AGMO: variants seen among roughly 807,000 people sequenced by gnomAD.
AGMO encodes glyceryl-ether monooxygenase.
Under a neutral mutation model 60.2 loss-of-function variants are expected in AGMO, and 75 were observed. The observed-to-expected ratio is 1.25, with a 90% CI of 1.03 to 1.51. The LOEUF (loss-of-function observed/expected upper bound fraction) is 1.51. Among genes scored for constraint, AGMO ranks in the 40% most tolerant of loss-of-function variants. The pLI is 0.00. For missense variants in AGMO, 763 were observed against 525.5 expected, an observed-to-expected ratio of 1.45 and a Z score of -4.42; for synonymous variants, 261 against 177.1, an observed-to-expected ratio of 1.47 and a Z score of -3.76.
rs577703602 is a variant in AGMO at position 15,362,401 on chromosome 7, G to C, written c.1263+3113C>G. On this transcript the variant is annotated intron_variant, in intron 12 of 12. Coordinates refer to ENST00000342526, the MANE Select transcript of AGMO (RefSeq NM_001004320.2). ...CTTGACCTCTCAACAGAGAAGACTT[G>C]CTCAAGTTTAATCATTAATGGCTTG... 3.3e-5 allele frequency among the ~76,000 whole-genome samples: 5 copies of C among 152,248 alleles called. No individual in the cohort carries two copies. The East Asian group carries it at 9.7e-4, about 29-fold the overall frequency.
chr7:15,270,283 G>C (rs1483601233), intron 12 of AGMO, among the ~76,000 whole-genome samples: 1 of 151,784 alleles, frequency 6.6e-6, no homozygotes, highest in Non-Finnish European at 1.5e-5. Flanking sequence ...GTTGTTTTTT[G>C]ACTTTGTATT....
chr7:15,180,030 C>G, the AGMO span, among the ~76,000 whole-genome samples: 7 of 152,262 alleles, frequency 4.6e-5, no homozygotes, highest in African/African-American at 7.2e-5. Context: ...CCTCCTAGAG[C>G]TCTGGGTTTG....
the AGMO span, among the ~76,000 whole-genome samples, chr7:15,154,296 T>A: frequency 2.0e-5 from 3 of 152,066 alleles, no homozygotes; most frequent in Non-Finnish European, 4.4e-5. Flanking sequence ...CAAAAAATAA[T>A]AATAAAATAC....
At chr7:15,346,251 A>C (rs2128551793) in intron 12 of AGMO, among the ~76,000 whole-genome samples, 1 of 152,262 alleles carries the variant, frequency 6.6e-6, no homozygotes, top group South Asian at 2.1e-4. Flanking sequence ...CATGGACTCT[A>C]CATTAAGATA....
intron 12 of AGMO, among the ~76,000 whole-genome samples, chr7:15,259,343 A>G (rs952268391): frequency 6.6e-6 from 1 of 152,020 alleles, no homozygotes; most frequent in Non-Finnish European, 1.5e-5. Context: ...GGATTAACCC[A>G]ATCCATCAAA....
At chr7:15,340,734 TGGTTGTCCAG>T (rs1297302195) in intron 12 of AGMO, among the ~76,000 whole-genome samples, 1 of 152,188 alleles carries the variant, frequency 6.6e-6, no homozygotes, top group Non-Finnish European at 1.5e-5. Context: ...TAAAAACACC[TGGTTGTCCAG>T]GCAGAGGTGT....
the AGMO span, among the ~76,000 whole-genome samples, chr7:15,129,650 G>T: frequency 6.6e-6 from 1 of 152,038 alleles, no homozygotes; most frequent in Non-Finnish European, 1.5e-5. Flanking sequence ...CCACCACCTG[G>T]GGCCAGGATG....
the AGMO span, among the ~76,000 whole-genome samples, chr7:15,177,961 T>C: frequency 6.6e-6 from 1 of 152,168 alleles, no homozygotes; most frequent in Admixed American, 6.6e-5. Context: ...AAATCGATTT[T>C]CATTATATAT....
chr7:15,247,459 C>CAGAGAGAGAGAGAGAGAGAG (rs35939832), intron 12 of AGMO, among the ~76,000 whole-genome samples: 1 of 115,262 alleles, frequency 8.7e-6, no homozygotes, highest in African/African-American at 3.5e-5. Context: ...CACACACACA[C>CAGAGAGAGAGAGAGAGAGAG]AGAGAGAGAG....
chr7:15,338,057 T>C (rs973917778), intron 12 of AGMO, among the ~76,000 whole-genome samples: 1 of 152,216 alleles, frequency 6.6e-6, no homozygotes, highest in African/African-American at 2.4e-5. Context: ...AAATTACTTT[T>C]AGAGTATGTT....
At chr7:15,473,533 A>C (rs533106285) in intron 3 of AGMO, among the ~76,000 whole-genome samples, 2 of 152,182 alleles carry the variant, frequency 1.3e-5, no homozygotes, top group East Asian at 3.9e-4. Context: ...AAAAACTCTC[A>C]ATAAACTAGG....
chr7:15,132,082 G>C, the AGMO span, among the ~76,000 whole-genome samples: 1 of 152,078 alleles, frequency 6.6e-6, no homozygotes, highest in Non-Finnish European at 1.5e-5. Context: ...GTGGAGATGG[G>C]TGCATAAGGG....
At chr7:15,349,450 G>C (rs1295192659) in intron 12 of AGMO, among the ~76,000 whole-genome samples, 2 of 152,094 alleles carry the variant, frequency 1.3e-5, no homozygotes, top group Non-Finnish European at 2.9e-5. Flanking sequence ...TGCAGACACA[G>C]TTAAATTCTT....
chr7:15,173,030 C>A, the AGMO span, among the ~76,000 whole-genome samples: 1 of 152,102 alleles, frequency 6.6e-6, no homozygotes, highest in Non-Finnish European at 1.5e-5. Flanking sequence ...TTCTTTATAG[C>A]TTCTTTTCCT....
chr7:15,134,540 C>T, the AGMO span, among the ~76,000 whole-genome samples: 1 of 152,134 alleles, frequency 6.6e-6, no homozygotes, highest in African/African-American at 2.4e-5. Flanking sequence ...ACTTAAAAGG[C>T]AGAACATGTG....
intron 12 of AGMO, among the ~76,000 whole-genome samples, chr7:15,307,056 T>C (rs1274836323): frequency 6.6e-6 from 1 of 152,160 alleles, no homozygotes; most frequent in Admixed American, 6.6e-5. Flanking sequence ...TTCCAAAAAA[T>C]AAGTTTCCAT....
chr7:15,528,212 A>G (rs1421973545), intron 3 of AGMO, among the ~76,000 whole-genome samples: 1 of 151,866 alleles, frequency 6.6e-6, no homozygotes, highest in Non-Finnish European at 1.5e-5. Flanking sequence ...AAAAAAAGTG[A>G]TTTGTGATTA....
At chr7:15,377,321 T>C (rs1008650206) in intron 10 of AGMO, among the ~76,000 whole-genome samples, 3 of 152,110 alleles carry the variant, frequency 2.0e-5, no homozygotes, top group Non-Finnish European at 4.4e-5. Flanking sequence ...TACTTTCAGT[T>C]TGTAAAGGGT....
At chr7:15,213,093 A>G (rs1463879110) in intron 12 of AGMO, among the ~76,000 whole-genome samples, 2 of 152,112 alleles carry the variant, frequency 1.3e-5, no homozygotes, top group East Asian at 3.9e-4. Context: ...TATTGATATG[A>G]CACACATAAA....
Sources: allele counts gnomAD v4.1 joint callset (sites outside exome capture counted in the v4.1 genomes callset), GRCh38; gene constraint gnomAD v4.1.1; transcripts MANE v1.5; gene names NCBI Gene and HGNC (gene_info 2026-07-23, HGNC 2026-07-21).